Variants in RBFOX1 observed in about 807,000 individuals in gnomAD.
The protein encoded by RBFOX1 is RNA binding fox-1 homolog 1.
Under a neutral mutation model 57.7 loss-of-function variants are expected in RBFOX1, and 8 were observed. That is an observed-to-expected ratio of 0.14 (90% CI 0.08 to 0.25). The LOEUF (loss-of-function observed/expected upper bound fraction) is 0.25, where lower values mean the gene tolerates loss of function less well. RBFOX1 is among the 10% of genes least tolerant of loss of function. The pLI, the probability that RBFOX1 is intolerant of heterozygous loss-of-function variation, is 1.00. For missense variants in RBFOX1, 611 were observed against 548.5 expected, an observed-to-expected ratio of 1.11 and a Z score of -1.14; for synonymous variants, 326 against 222.4, an observed-to-expected ratio of 1.47 and a Z score of -4.15.
intron 3 of RBFOX1, among the ~76,000 whole-genome samples, chr16:6,824,958 G>T (rs2091907418): frequency 9.3e-6 from 1 of 107,636 alleles, no homozygotes; most frequent in African/African-American, 3.0e-5. Context: ...TCTACACTGA[G>T]GATTTCTTTT....
intron 3 of RBFOX1, among the ~76,000 whole-genome samples, chr16:5,839,023 G>A (rs531399086): frequency 3.0e-4 from 46 of 152,118 alleles, no homozygotes; most frequent in Non-Finnish European, 3.1e-4. Context: ...AGTGCTCCTG[G>A]CATATAGAGT....
At chr16:7,231,859 C>T (rs1449317431) in intron 4 of RBFOX1, among the ~76,000 whole-genome samples, 2 of 152,166 alleles carry the variant, frequency 1.3e-5, no homozygotes, top group African/African-American at 4.8e-5. Context: ...GGTAAATCCA[C>T]ACCAACAGAA....
Position 6,540,765 on chromosome 16 carries a change from C to G in RBFOX1, c.-63-113838C>G, listed in dbSNP as rs764743543. On this transcript the variant is annotated intron_variant, in intron 2 of 15. Transcript: ENST00000550418. The stretch of plus-strand genomic sequence containing the variant: ...TTTTATTAACTTACCTAATTATTCA[C>G]TTAAAGTAACTCTTTAAAAAGACTG... Among the ~76,000 whole-genome samples, 67 of 152,198 alleles carry G rather than the reference C, an allele frequency of 4.4e-4. 1 individual carries two copies. Among genetic ancestry groups the G allele is most frequent in the Middle Eastern group, 6.8e-3 (2 of 292 alleles).
chr16:7,282,189 G>A (rs1478922222), intron 4 of RBFOX1, among the ~76,000 whole-genome samples: 2 of 152,198 alleles, frequency 1.3e-5, no homozygotes, highest in African/African-American at 2.4e-5. Flanking sequence ...GAAAAGGGAG[G>A]ACAGAATCCA....
At chr16:7,561,934 T>C (rs575051269) in intron 5 of RBFOX1, among the ~76,000 whole-genome samples, 1 of 152,244 alleles carries the variant, frequency 6.6e-6, no homozygotes, top group South Asian at 2.1e-4. Context: ...ATACGAACTT[T>C]TGTGTTAAAT....
At chr16:6,217,502 G>A (rs2097343587) in intron 1 of RBFOX1, among the ~76,000 whole-genome samples, 1 of 152,150 alleles carries the variant, frequency 6.6e-6, no homozygotes, top group Admixed American at 6.5e-5. Flanking sequence ...GAAATAAGGA[G>A]CATGGTGAGG....
chr16:7,669,627 G>C (rs1436596721), intron 13 of RBFOX1, among the ~76,000 whole-genome samples: 2 of 151,842 alleles, frequency 1.3e-5, no homozygotes, highest in Non-Finnish European at 2.9e-5. Context: ...ACAAGTTTCT[G>C]GTTAACACCA....
chr16:5,763,092 G>A (rs940988322), intron 3 of RBFOX1, among the ~76,000 whole-genome samples: 3 of 152,120 alleles, frequency 2.0e-5, no homozygotes, highest in African/African-American at 4.8e-5. Context: ...GGGGTGGGTG[G>A]TTGGAAATCA....
At chr16:6,194,688 G>A (rs780781322) in intron 1 of RBFOX1, among the ~76,000 whole-genome samples, 23 of 152,108 alleles carry the variant, frequency 1.5e-4, no homozygotes, top group Non-Finnish European at 3.2e-4. Flanking sequence ...CATTTTCTGG[G>A]TTAGGGTTTC....
chr16:6,152,869 C>G (rs1307103067), intron 1 of RBFOX1, among the ~76,000 whole-genome samples: 1 of 152,052 alleles, frequency 6.6e-6, no homozygotes, highest in Admixed American at 6.6e-5. Context: ...GAGAGGAGCA[C>G]TGAAGTCTCA....
intron 4 of RBFOX1, among the ~76,000 whole-genome samples, chr16:6,009,745 T>C (rs191825744): frequency 6.6e-6 from 1 of 152,134 alleles, no homozygotes; most frequent in East Asian, 1.9e-4. Context: ...TTGGACAAAA[T>C]GCACTGATAT....
At chr16:6,527,887 A>G (rs1368034206) in intron 2 of RBFOX1, among the ~76,000 whole-genome samples, 1 of 151,902 alleles carries the variant, frequency 6.6e-6, no homozygotes, top group Non-Finnish European at 1.5e-5. Context: ...GAGTGACCAC[A>G]CCCCTCAGTC....
At chr16:6,803,052 C>A (rs1459245109) in intron 3 of RBFOX1, among the ~76,000 whole-genome samples, 1 of 152,150 alleles carries the variant, frequency 6.6e-6, no homozygotes, top group Non-Finnish European at 1.5e-5. Flanking sequence ...TTCCATTGAA[C>A]TCAAAATGTT....
At chr16:6,310,371 T>C (rs2080104765) in intron 1 of RBFOX1, among the ~76,000 whole-genome samples, 1 of 152,222 alleles carries the variant, frequency 6.6e-6, no homozygotes. Flanking sequence ...ATCTGGATGA[T>C]CTTATTGCCT....
intron 4 of RBFOX1, among the ~76,000 whole-genome samples, chr16:7,059,703 G>A (rs1294796117): frequency 6.6e-6 from 1 of 152,158 alleles, no homozygotes; most frequent in African/African-American, 2.4e-5. Context: ...ATTGGCAGAT[G>A]TGCACAGCAT....
In RBFOX1 at chr16:6,947,335, A is replaced by T. The variant is rs552390409; in HGVS notation, c.-15-104722A>T. Among the ~76,000 whole-genome samples, 3 of 152,280 alleles carry T rather than the reference A, an allele frequency of 2.0e-5. No homozygotes were observed. The South Asian group carries it at 6.2e-4, about 32-fold the overall frequency. ...GGTGTGATTTAACAGTCTTTAAGAG[A>T]TAACATTATGAAGACACCTGGGTGC... is the stretch of plus-strand genomic sequence containing the variant. On this transcript the variant is annotated intron_variant, in intron 3 of 15. Transcript: ENST00000550418.
chr16:6,621,756 A>G (rs1301523779), intron 2 of RBFOX1, among the ~76,000 whole-genome samples: 1 of 152,196 alleles, frequency 6.6e-6, no homozygotes, highest in East Asian at 1.9e-4. Context: ...ATCAACCTTT[A>G]GGCTAATCAC....
At chr16:6,609,334 CT>C (rs1289258832) in intron 2 of RBFOX1, among the ~76,000 whole-genome samples, 1 of 151,950 alleles carries the variant, frequency 6.6e-6, no homozygotes, top group African/African-American at 2.4e-5. Flanking sequence ...AAATGATTTT[CT>C]TTTTTCTCTT....
chr16:5,623,010 C>G (rs972317093), intron 3 of RBFOX1, among the ~76,000 whole-genome samples: 4 of 152,150 alleles, frequency 2.6e-5, no homozygotes, highest in Admixed American at 6.6e-5. Flanking sequence ...TATGCAAATA[C>G]TATGCCGCTT....
Sources: gnomAD v4.1 joint callset for allele counts (sites outside exome capture counted in the v4.1 genomes callset) on GRCh38, gnomAD v4.1.1 for gene constraint, MANE v1.5 for transcripts, NCBI Gene and HGNC (gene_info 2026-07-23, HGNC 2026-07-21) for gene names.